The following WDR88 variants were observed in gnomAD, a reference collection of about 807,000 sequenced individuals.
WDR88 encodes WD repeat domain 88.
In WDR88, 40 loss-of-function variants were observed where a neutral mutation model predicts 46.8. That is an observed-to-expected ratio of 0.86 (90% CI 0.66 to 1.11). The LOEUF (loss-of-function observed/expected upper bound fraction) is 1.11. WDR88 is among the 50% of genes most tolerant of loss of function. The pLI is 0.00. For synonymous variants in WDR88, 235 were observed against 240.7 expected, an observed-to-expected ratio of 0.98 and a Z score of 0.22; for missense variants, 562 against 602.4, an observed-to-expected ratio of 0.93 and a Z score of 0.70.
In WDR88 at chr19:33,164,239, A is replaced by G. The variant is rs1358501274; in HGVS notation, c.1123A>G (p.Lys375Glu). 3 of 1,614,144 alleles carry G rather than the reference A, an allele frequency of 1.9e-6. No individual in the cohort carries two copies. Among genetic ancestry groups the G allele is most frequent in the African/African-American group, 2.7e-5 (2 of 75,060 alleles). ...WVMDVAISNNKKWILSASKDR... is the reference protein window; with the variant it reads ...WVMDVAISNNEKWILSASKDR... ...GATGGATGTTGCCATTAGCAACAAC[A>G]AGAAATGGATCCTGTCTGCTTCCAA... Residue 375 changes from lysine to glutamate, a missense_variant, in exon 9 of 11, where the codon AAG (lysine) becomes GAG (glutamate). Coordinates refer to ENST00000355868, the MANE Select transcript of WDR88 (RefSeq NM_173479.4).
At position 33,164,211 on chromosome 19, in the gene WDR88, G is replaced by C; in HGVS notation, c.1095G>C (p.Trp365Cys). The stretch of plus-strand genomic sequence containing the variant: ...TATTTCTTCAGGGCCATAATGACTG[G>C]GTGATGGATGTTGCCATTAGCAACA... Reference protein sequence around the residue: ...RKLSLKGHNDWVMDVAISNNK... With the variant: ...RKLSLKGHNDCVMDVAISNNK... Residue 365 changes from tryptophan to cysteine, a missense_variant, in exon 9 of 11, where the codon TGG (tryptophan) becomes TGC (cysteine). Trp to Cys is a radical substitution (Grantham distance 215, BLOSUM62 -2). Coordinates refer to ENST00000355868, the MANE Select transcript of WDR88 (RefSeq NM_173479.4). 6.2e-7 allele frequency: 1 copy of C among 1,613,920 alleles called. No individual in the cohort carries two copies. The highest frequency in any genetic ancestry group is 1.1e-5 in the South Asian group (1 of 91,080).
rs1327349203 is a variant in WDR88, at chr19:33,137,873, C to G, written c.387+86C>G. 6 of 1,109,348 alleles carry G rather than the reference C, an allele frequency of 5.4e-6. No individual in the cohort carries two copies. The Admixed American group carries it at 1.4e-4, about 27-fold the overall frequency. 68.7% of individuals were successfully genotyped at this position (1,109,348 alleles called of 1,614,324 possible). A position where few individuals can be genotyped will look rare whatever the true frequency, so the allele number is the denominator to read the frequency against. On this transcript the variant is annotated intron_variant, in intron 2 of 10. Coordinates refer to ENST00000355868, the MANE Select transcript of WDR88 (RefSeq NM_173479.4). The stretch of plus-strand genomic sequence containing the variant: ...CTGTGTCGAGTTCCCCAGCACTGAA[C>G]TCACAGGCACTTGTGGGTCCTGGTT...
At chr19:33,134,896 G>C (rs530217241) in intron 1 of WDR88, among the ~76,000 whole-genome samples, 3 of 103,586 alleles carry the variant, frequency 2.9e-5, no homozygotes, top group African/African-American at 1.1e-4. Flanking sequence ...GCCCTGAACC[G>C]TCGCATCCCC....
At chr19:33,136,597 CTG>C (rs1254048054) in intron 1 of WDR88, among the ~76,000 whole-genome samples, 1 of 151,886 alleles carries the variant, frequency 6.6e-6, no homozygotes, top group African/African-American at 2.4e-5. Context: ...AGTTCTCACT[CTG>C]TCACCCAGGC....
At chr19:33,174,730 G>A (rs953856735) in intron 10 of WDR88, 2 of 985,316 alleles carry the variant, frequency 2.0e-6, no homozygotes, top group Non-Finnish European at 2.4e-6. Context: ...ACTCGGCACA[G>A]AACAATGGAT....
chr19:33,132,509 A>G (rs1973150006), intron 1 of WDR88, 64 bp downstream of exon 1: 2 of 1,581,528 alleles, frequency 1.3e-6, no homozygotes, highest in Admixed American at 3.4e-5. Flanking sequence ...AAGGCGCTCG[A>G]GCTGTCGGGG....
chr19:33,133,214 A>G (rs1267938), intron 1 of WDR88, among the ~76,000 whole-genome samples: 72,272 of 126,572 alleles, frequency 0.57, 20,361 homozygotes, highest in Non-Finnish European at 0.68. Flanking sequence ...GAGAGAGAGA[A>G]AGAAAGAAAG....
chr19:33,167,063 A>G (rs868332594), intron 9 of WDR88, among the ~76,000 whole-genome samples: 14 of 152,346 alleles, frequency 9.2e-5, no homozygotes, highest in Non-Finnish European at 1.8e-4. Context: ...ACTTCATTCT[A>G]TGAGGCCAGC....
At chr19:33,169,955 G>A (rs150223753) in intron 9 of WDR88, among the ~76,000 whole-genome samples, 153 of 152,192 alleles carry the variant, frequency 1.0e-3, no homozygotes, top group Middle Eastern at 3.4e-3. Flanking sequence ...TTGGCTCACC[G>A]CAACCTCCGC....
chr19:33,166,085 C>T (rs181775757), intron 9 of WDR88, among the ~76,000 whole-genome samples: 156 of 151,366 alleles, frequency 1.0e-3, no homozygotes, highest in Middle Eastern at 3.4e-3. Flanking sequence ...CATAGTGAGA[C>T]GCTATCTCTA....
At chr19:33,151,834 T>G (rs1973639269) in intron 6 of WDR88, among the ~76,000 whole-genome samples, 1 of 151,936 alleles carries the variant, frequency 6.6e-6, no homozygotes, top group Non-Finnish European at 1.5e-5. Context: ...GAGCTATGAT[T>G]GCACCACTGC....
At chr19:33,133,016 G>A (rs1260807445) in intron 1 of WDR88, among the ~76,000 whole-genome samples, 1 of 151,878 alleles carries the variant, frequency 6.6e-6, no homozygotes, top group African/African-American at 2.4e-5. Context: ...ACTTAGCCCA[G>A]TGTGATGGGG....
intron 9 of WDR88, among the ~76,000 whole-genome samples, chr19:33,170,220 C>T (rs1974014897): frequency 6.6e-6 from 1 of 151,770 alleles, no homozygotes; most frequent in African/African-American, 2.4e-5. Context: ...CTGTATCGCC[C>T]AGGCTGGAGT....
At position 33,156,371 on chromosome 19, in the gene WDR88, A is replaced by G; in HGVS notation, c.826A>G (p.Ile276Val). Residue 276 changes from isoleucine (I) to valine (V), a missense_variant, in exon 7 of 11, where the codon ATC (isoleucine) becomes GTC (valine). By Grantham distance (29) the Ile-to-Val change is conservative. Coordinates refer to ENST00000355868, the MANE Select transcript of WDR88 (RefSeq NM_173479.4). ...LTITKAHSNA[I>V]SNCCFTFSGH... The stretch of plus-strand genomic sequence containing the variant: ...GTGTTTCAGGGCACATTCCAATGCA[A>G]TCTCAAACTGCTGTTTTACCTTCAG... 6.2e-7 allele frequency: 1 copy of G among 1,614,110 alleles called. No homozygotes were observed. Among genetic ancestry groups the G allele is most frequent in the Non-Finnish European group, 8.5e-7 (1 of 1,180,016 alleles).
chr19:33,139,338 G>C (rs150589833), intron 2 of WDR88, among the ~76,000 whole-genome samples: 230 of 152,376 alleles, frequency 1.5e-3, no homozygotes, highest in African/African-American at 5.3e-3. Context: ...GAGGGCTGGG[G>C]AGGAGCAGGG....
chr19:33,159,414 C>T (rs910586108), intron 7 of WDR88, among the ~76,000 whole-genome samples: 17 of 151,990 alleles, frequency 1.1e-4, no homozygotes, highest in Middle Eastern at 3.4e-3. Context: ...ACCACAGTGC[C>T]GAAGTGCTGT....
At chr19:33,159,696 C>T (rs1437144879) in intron 7 of WDR88, among the ~76,000 whole-genome samples, 2 of 152,090 alleles carry the variant, frequency 1.3e-5, no homozygotes, top group Non-Finnish European at 2.9e-5. Flanking sequence ...ACTGCAGAGG[C>T]CCCCAACCTT....
chr19:33,144,186 A>C (rs1028781308), intron 2 of WDR88, among the ~76,000 whole-genome samples: 9 of 152,062 alleles, frequency 5.9e-5, no homozygotes, highest in Non-Finnish European at 1.2e-4. Flanking sequence ...CCTGGATCCC[A>C]CAACCCAAGA....
intron 9 of WDR88, among the ~76,000 whole-genome samples, chr19:33,170,798 G>A (rs2145424514): frequency 6.6e-6 from 1 of 152,238 alleles, no homozygotes; most frequent in Middle Eastern, 3.4e-3. Context: ...CGAAGCGGAG[G>A]TTGTAGTGAG....
Sources: gnomAD v4.1 joint callset for allele counts (sites outside exome capture counted in the v4.1 genomes callset) on GRCh38, gnomAD v4.1.1 for gene constraint, MANE v1.5 for transcripts, NCBI Gene and HGNC (gene_info 2026-07-23, HGNC 2026-07-21) for gene names.